Variants in CBLB observed in about 807,000 individuals in gnomAD.
The protein encoded by CBLB is Cbl proto-oncogene B, also known as E3 ubiquitin-protein ligase CBL-B.
A neutral mutation model predicts 104.9 loss-of-function variants in CBLB; 31 were observed. The observed-to-expected ratio is 0.30, with a 90% CI of 0.22 to 0.40. The LOEUF (loss-of-function observed/expected upper bound fraction) is 0.40, where lower values mean the gene tolerates loss of function less well. Among genes scored for constraint, CBLB ranks in the 10% least tolerant of loss-of-function variants. CBLB has a pLI of 1.00. For missense variants in CBLB, 1,062 were observed against 1,214.6 expected (o/e 0.87, Z 1.87); for synonymous variants, 440 against 422.6 (o/e 1.04, Z -0.51).
At chr3:105,762,566 G>C (rs890575774) in intron 4 of CBLB, among the ~76,000 whole-genome samples, 4 of 152,254 alleles carry the variant, frequency 2.6e-5, no homozygotes, top group African/African-American at 9.6e-5. Flanking sequence ...CTTCCACATG[G>C]TGTTTGAGCC....
In CBLB at chr3:105,659,011, A is replaced by G. The variant is rs2063523015; in HGVS notation, c.2908T>C (p.Phe970Leu). 1 of 1,613,812 alleles carries G rather than the reference A, an allele frequency of 6.2e-7. No homozygotes were observed. The highest frequency in any genetic ancestry group is 1.3e-5 in the African/African-American group (1 of 74,900). ...VEVARSILRE[F>L]AFPPPVSPRL... ...GGGGATACTGGAGGAGGGAAGGCAA[A>G]TTCTCGGAGGATGCTCCGGGCAACT... The change falls in exon 19 of 19, where the codon TTT becomes CTT. Residue 970 changes from phenylalanine to leucine, a missense_variant. Phe to Leu is a conservative substitution (Grantham distance 22, BLOSUM62 0). This residue lies in a region of CBLB where 605 missense variants were observed against 582.6 expected (regional missense o/e 1.04). Transcript: ENST00000394030.
intron 2 of CBLB, among the ~76,000 whole-genome samples, chr3:105,855,217 A>G (rs1228515682): frequency 6.6e-6 from 1 of 152,194 alleles, no homozygotes; most frequent in East Asian, 1.9e-4. Context: ...GTTAAGCAAC[A>G]AAGAAACAGA....
chr3:105,799,648 C>T (rs1286742131), intron 3 of CBLB, among the ~76,000 whole-genome samples: 3 of 152,062 alleles, frequency 2.0e-5, no homozygotes, highest in Admixed American at 6.6e-5. Context: ...CACCCTATAA[C>T]CCAGAAAACA....
chr3:105,682,683 T>A (rs2066462953), intron 14 of CBLB, among the ~76,000 whole-genome samples: 1 of 152,128 alleles, frequency 6.6e-6, no homozygotes, highest in South Asian at 2.1e-4. Flanking sequence ...ATTTTTTTTA[T>A]TTTTTAGTAG....
intron 3 of CBLB, among the ~76,000 whole-genome samples, chr3:105,803,470 T>C (rs765854802): frequency 1.3e-5 from 2 of 152,158 alleles, no homozygotes; most frequent in Non-Finnish European, 2.9e-5. Flanking sequence ...GTGGACCACC[T>C]ACCTCCTCAT....
intron 13 of CBLB, among the ~76,000 whole-genome samples, chr3:105,686,174 C>A (rs1309110354): frequency 1.3e-5 from 2 of 152,146 alleles, no homozygotes; most frequent in African/African-American, 2.4e-5. Flanking sequence ...AAACATTAAG[C>A]ATTTCACTTA....
chr3:105,729,397 T>C (rs2074054424), intron 9 of CBLB, among the ~76,000 whole-genome samples: 1 of 152,082 alleles, frequency 6.6e-6, no homozygotes, highest in Admixed American at 6.6e-5. Context: ...TGGAAAATGA[T>C]AGTTGAAACC....
chr3:105,665,412 AATAAATATATATAT>A (rs796219847), intron 18 of CBLB, among the ~76,000 whole-genome samples: 2,351 of 74,774 alleles, frequency 0.031, 42 homozygotes, highest in Admixed American at 0.048. Context: ...TAAATAAATA[AATAAATATATATAT>A]ATATATATAT....
intron 5 of CBLB, 26 bp downstream of exon 5, chr3:105,751,436 G>A (rs779353508): frequency 1.2e-5 from 19 of 1,551,362 alleles, no homozygotes; most frequent in Non-Finnish European, 1.6e-5. Flanking sequence ...GAAGGGAATG[G>A]ATAGACTAAG....
chr3:105,845,912 C>T (rs1374067589), intron 3 of CBLB, among the ~76,000 whole-genome samples: 2 of 152,042 alleles, frequency 1.3e-5, no homozygotes, highest in South Asian at 4.1e-4. Flanking sequence ...ATAAATCAAT[C>T]TCAGAAGATT....
At position 105,704,156 on chromosome 3, in the gene CBLB, G is replaced by T. The variant is rs1263988518; in HGVS notation, c.1425C>A (p.Asn475Lys). ...AGGATCCTGGTGATGTGACTGGTGAGTTCTGCCTGTCAGTGCACTAGAACA... is the reference window on the plus strand; with the variant it reads ...AGGATCCTGGTGATGTGACTGGTGATTTCTGCCTGTCAGTGCACTAGAACA... Reference protein sequence around the residue: ...ANVRKCTDRQNSPVTSPGSSP... With the variant: ...ANVRKCTDRQKSPVTSPGSSP... Residue 475 changes from asparagine (N) to lysine (K), a missense_variant, in exon 11 of 19, where the codon AAC becomes AAA. This residue lies in a region of CBLB where 457 missense variants were observed against 632.0 expected (regional missense o/e 0.72). Transcript: ENST00000394030. 1 of 1,614,020 alleles carries T rather than the reference G, an allele frequency of 6.2e-7. No homozygotes were observed. Among genetic ancestry groups the T allele is most frequent in the Middle Eastern group, 1.7e-4 (1 of 6,058 alleles).
In CBLB at chr3:105,702,476, G is replaced by GAAAAAAAAAAACAAAAAAA; in HGVS notation, c.1594-18_1594-17insTTTTTTTGTTTTTTTTTTT. On this transcript the variant is annotated splice_polypyrimidine_tract_variant and intron_variant, in intron 11 of 18. Transcript: ENST00000394030. ...AGGAGAAGACTAAAGAAACAGAAGA[G>GAAAAAAAAAAACAAAAAAA]AAAAAAAAAAAAAAAAAAAAAAACT... The GAAAAAAAAAAACAAAAAAA allele has an allele frequency of 3.6e-6, 1 of 277,062 alleles. No homozygotes were observed. The highest frequency in any genetic ancestry group is 5.2e-6 in the Non-Finnish European group (1 of 190,576). The allele number at this position is 277,062 out of a possible 1,614,324, so 17.2% of individuals were successfully genotyped here. A position where few individuals can be genotyped will look rare whatever the true frequency, so the allele number is the denominator to read the frequency against.
At chr3:105,664,454 TAA>T (rs2064149955) in intron 18 of CBLB, among the ~76,000 whole-genome samples, 1 of 152,198 alleles carries the variant, frequency 6.6e-6, no homozygotes, top group Non-Finnish European at 1.5e-5. Flanking sequence ...CTTAAGATCG[TAA>T]GTGAAAATGT....
intron 9 of CBLB, among the ~76,000 whole-genome samples, chr3:105,731,414 C>T (rs1446687073): frequency 6.6e-6 from 1 of 152,140 alleles, no homozygotes; most frequent in Non-Finnish European, 1.5e-5. Context: ...CTACAGCATA[C>T]AGTATGTCAC....
At chr3:105,713,688 T>A (rs114453802) in intron 10 of CBLB, among the ~76,000 whole-genome samples, 1,848 of 152,298 alleles carry the variant, frequency 0.012, 13 homozygotes, top group Middle Eastern at 0.031. Context: ...AATACCACTA[T>A]TTTGCACGAA....
At chr3:105,712,920 T>C (rs968114332) in intron 10 of CBLB, among the ~76,000 whole-genome samples, 2 of 152,120 alleles carry the variant, frequency 1.3e-5, no homozygotes, top group African/African-American at 4.8e-5. Flanking sequence ...TCAAAAATAC[T>C]AATAACTTAA....
intron 9 of CBLB, among the ~76,000 whole-genome samples, chr3:105,720,931 TG>T (rs1168016728): frequency 1.3e-5 from 2 of 152,232 alleles, no homozygotes; most frequent in Non-Finnish European, 2.9e-5. Context: ...CAAATACTTT[TG>T]GGCTGGAAAT....
chr3:105,846,290 G>T (rs2090244117), intron 3 of CBLB, among the ~76,000 whole-genome samples: 1 of 151,776 alleles, frequency 6.6e-6, no homozygotes, highest in African/African-American at 2.4e-5. Context: ...GAAAAACTAG[G>T]TTAATTTTTT....
intron 12 of CBLB, among the ~76,000 whole-genome samples, chr3:105,697,958 C>T (rs558958547): frequency 2.0e-5 from 3 of 151,922 alleles, no homozygotes; most frequent in Admixed American, 1.3e-4. Context: ...AAACAAACCA[C>T]CAACAACAAT....
Sources: gnomAD v4.1 joint callset for allele counts (sites outside exome capture counted in the v4.1 genomes callset) on GRCh38, gnomAD v4.1.1 for gene constraint, gnomAD v4.1.1 regional missense constraint, MANE v1.5 for transcripts, NCBI Gene and HGNC (gene_info 2026-07-23, HGNC 2026-07-21) for gene names.